Variants in ANKS1A observed in about 807,000 individuals in gnomAD.
ANKS1A encodes the protein ankyrin repeat and sterile alpha motif domain containing 1A, also known as ankyrin repeat and SAM domain-containing protein 1A.
Under a neutral mutation model 120.3 loss-of-function variants are expected in ANKS1A, and 55 were observed. The observed-to-expected ratio is 0.46, with a 90% CI of 0.37 to 0.57. The LOEUF (loss-of-function observed/expected upper bound fraction) is 0.57. Among genes scored for constraint, ANKS1A ranks in the 20% least tolerant of loss-of-function variants. The pLI is 0.00. For synonymous variants in ANKS1A, 590 were observed against 604.7 expected, an observed-to-expected ratio of 0.98 and a Z score of 0.36; for missense variants, 1,123 against 1,480.3, an observed-to-expected ratio of 0.76 and a Z score of 3.96.
intron 10 of ANKS1A, among the ~76,000 whole-genome samples, chr6:35,014,349 C>T (rs910591376): frequency 1.3e-5 from 2 of 152,174 alleles, no homozygotes; most frequent in Non-Finnish European, 2.9e-5. Context: ...TTCTTATATT[C>T]CACAAAATAT....
intron 13 of ANKS1A, among the ~76,000 whole-genome samples, chr6:35,061,563 G>T (rs1182676865): frequency 6.6e-6 from 1 of 152,192 alleles, no homozygotes; most frequent in East Asian, 1.9e-4. Context: ...CTGGCCTGAG[G>T]CTTCCAGGAG....
chr6:34,968,913 A>G (rs376245633), intron 2 of ANKS1A, among the ~76,000 whole-genome samples: 2 of 152,220 alleles, frequency 1.3e-5, no homozygotes, highest in Non-Finnish European at 2.9e-5. Flanking sequence ...AACATTAAAC[A>G]TTTCTAAAAT....
chr6:34,932,069 G>T (rs754191583), intron 1 of ANKS1A, among the ~76,000 whole-genome samples: 2 of 152,208 alleles, frequency 1.3e-5, no homozygotes, highest in Admixed American at 6.5e-5. Context: ...CAAATTTTAA[G>T]GTACAGAGAT....
intron 1 of ANKS1A, among the ~76,000 whole-genome samples, chr6:34,914,739 G>A (rs1474549438): frequency 6.6e-6 from 1 of 152,178 alleles, no homozygotes; most frequent in Non-Finnish European, 1.5e-5. Context: ...GCAGAACTTA[G>A]AAGGAAAATT....
chr6:34,935,881 T>C (rs900635218), intron 1 of ANKS1A, among the ~76,000 whole-genome samples: 1 of 150,598 alleles, frequency 6.6e-6, no homozygotes, highest in African/African-American at 2.4e-5. Flanking sequence ...GCTAAAACGG[T>C]GAAACCCCGT....
In ANKS1A at chr6:35,083,236, C is replaced by T. The variant is rs1777785060; in HGVS notation, c.2907+10C>T. On this transcript the variant is annotated intron_variant, in intron 19 of 23. Transcript: ENST00000360359. ...CTGTGCCAAGATGCGGGTAGGGTGC[C>T]TGTGTGGGCTGGAGGGCGCTGTGGG... 1 of 1,613,912 alleles carries T rather than the reference C, an allele frequency of 6.2e-7. No homozygotes were observed. Among genetic ancestry groups the T allele is most frequent in the Non-Finnish European group, 8.5e-7 (1 of 1,180,002 alleles).
At chr6:34,972,457 C>A (rs746946624) in intron 3 of ANKS1A, 3 of 228,512 alleles carry the variant, frequency 1.3e-5, no homozygotes, top group Non-Finnish European at 2.2e-5. Flanking sequence ...TATTAACTTC[C>A]CTTTGAGGCA....
rs553996208 is a variant in ANKS1A, at chr6:35,083,977, A to G, written c.2995-144A>G. The G allele has an allele frequency of 1.2e-4, 156 of 1,334,586 alleles. 1 individual carries two copies. In the African/African-American group the frequency reaches 2.0e-3, roughly 17 times the overall value. 82.7% of individuals were successfully genotyped at this position (1,334,586 alleles called of 1,614,324 possible). ...AAATCGGGGACCCCCACCCCCACCAATAAACAAAATGAGAAGATGAAGGGG... is the reference window on the plus strand; with the variant it reads ...AAATCGGGGACCCCCACCCCCACCAGTAAACAAAATGAGAAGATGAAGGGG... On this transcript the variant is annotated intron_variant, in intron 20 of 23. Transcript: ENST00000360359.
intron 11 of ANKS1A, among the ~76,000 whole-genome samples, chr6:35,045,094 C>T (rs1371515569): frequency 6.6e-6 from 1 of 152,206 alleles, no homozygotes; most frequent in East Asian, 1.9e-4. Flanking sequence ...TCTCACCATC[C>T]ATGCTTACAG....
chr6:34,982,669 C>A lies in ANKS1A; in HGVS notation c.733-83C>A. The A allele has an allele frequency of 7.4e-7, 1 of 1,351,178 alleles. No homozygotes were observed. The allele number at this position is 1,351,178 out of a possible 1,614,324, so 83.7% of individuals were successfully genotyped here. Reference sequence around the variant, plus strand: ...TAGTTTGTTTTATTTTGTGTCCCTTCTTGTCTGTGTCCCCTTTGTCACGTG... The same window carrying A: ...TAGTTTGTTTTATTTTGTGTCCCTTATTGTCTGTGTCCCCTTTGTCACGTG... On this transcript the variant is annotated intron_variant, in intron 4 of 23. Coordinates refer to ENST00000360359, the MANE Select transcript of ANKS1A (RefSeq NM_015245.3). This position sits in a 1 kb window ranked among gnomAD's most constrained non-coding sequence, Gnocchi z 4.9.
chr6:34,929,082 GGTTA>G (rs762344076), intron 1 of ANKS1A, among the ~76,000 whole-genome samples: 10 of 152,274 alleles, frequency 6.6e-5, no homozygotes, highest in Non-Finnish European at 8.8e-5. Flanking sequence ...TGAGGTTTGG[GGTTA>G]GTTATTTAAC....
chr6:34,993,687 G>A (rs1207199330), intron 9 of ANKS1A, among the ~76,000 whole-genome samples: 3 of 152,202 alleles, frequency 2.0e-5, no homozygotes, highest in Non-Finnish European at 2.9e-5. Flanking sequence ...TCTAGTAAAC[G>A]TCAAATGTTG....
At chr6:34,926,150 T>C (rs936177334) in intron 1 of ANKS1A, among the ~76,000 whole-genome samples, 1 of 152,186 alleles carries the variant, frequency 6.6e-6, no homozygotes, top group African/African-American at 2.4e-5. Flanking sequence ...GGTTTGTATT[T>C]TCTGATGATG....
chr6:34,948,145 T>A (rs2127490477), intron 1 of ANKS1A, among the ~76,000 whole-genome samples: 1 of 151,278 alleles, frequency 6.6e-6, no homozygotes, highest in Middle Eastern at 3.4e-3. Flanking sequence ...AACTCATCAT[T>A]TAGGTGTTTT....
chr6:34,907,268 T>C (rs1581675556), intron 1 of ANKS1A, among the ~76,000 whole-genome samples: 1 of 152,126 alleles, frequency 6.6e-6, no homozygotes, highest in African/African-American at 2.4e-5. Flanking sequence ...ATCAACAAAG[T>C]CTGTAGTTTA....
chr6:35,046,832 G>A (rs897040924), intron 11 of ANKS1A, among the ~76,000 whole-genome samples: 2 of 152,098 alleles, frequency 1.3e-5, no homozygotes. Context: ...TGATAAATAC[G>A]TACATTTGTC....
chr6:34,942,607 G>A (rs1203427603), intron 1 of ANKS1A, among the ~76,000 whole-genome samples: 3 of 152,178 alleles, frequency 2.0e-5, no homozygotes, highest in Non-Finnish European at 4.4e-5. Flanking sequence ...CAGATAGGGA[G>A]TGTAAAGTTA....
At chr6:34,951,751 C>T (rs1017424739) in intron 1 of ANKS1A, among the ~76,000 whole-genome samples, 1 of 152,180 alleles carries the variant, frequency 6.6e-6, no homozygotes, top group Non-Finnish European at 1.5e-5. Context: ...TGTAGCAATA[C>T]TTTCAATACT....
At chr6:34,934,235 C>A (rs973832407) in intron 1 of ANKS1A, among the ~76,000 whole-genome samples, 2 of 152,138 alleles carry the variant, frequency 1.3e-5, no homozygotes, top group Admixed American at 6.5e-5. Context: ...GCAAGCTCCA[C>A]CTCCCGGGTT....
Sources: gnomAD v4.1 joint callset for allele counts (sites outside exome capture counted in the v4.1 genomes callset) on GRCh38, gnomAD v4.1.1 for gene constraint, Gnocchi (gnomAD v3.1) non-coding constraint, MANE v1.5 for transcripts, NCBI Gene and HGNC (gene_info 2026-07-23, HGNC 2026-07-21) for gene names.